Variants in PROSER2 observed in about 807,000 individuals in gnomAD.
PROSER2 encodes proline and serine-rich protein 2.
PROSER2 carries 18 observed loss-of-function variants against 14.6 expected under a neutral mutation model. The observed-to-expected ratio is 1.23, with a 90% CI of 0.85 to 1.83. PROSER2 has a LOEUF of 1.83. PROSER2 is among the 40% of genes most tolerant of loss of function. The pLI is 0.00. For missense variants in PROSER2, 823 were observed against 629.8 expected, an observed-to-expected ratio of 1.31 and a Z score of -3.28; for synonymous variants, 367 against 286.4, an observed-to-expected ratio of 1.28 and a Z score of -2.84.
chr10:11,842,214 C>T (rs1160946417), intron 1 of PROSER2, among the ~76,000 whole-genome samples: 3 of 143,122 alleles, frequency 2.1e-5, no homozygotes, highest in Admixed American at 6.8e-5. Flanking sequence ...GAGTAAGACT[C>T]AGTCTCAAAA....
At position 11,856,088 on chromosome 10, in the gene PROSER2, G is replaced by A. The variant is rs1355695939; in HGVS notation, c.138+3873G>A. Reference sequence around the variant, plus strand: ...TGAAACATAAGAGGGCAGCTTTGATGTGTGTGCAAGGCGGTGCTTCCTGAC... The same window carrying A: ...TGAAACATAAGAGGGCAGCTTTGATATGTGTGCAAGGCGGTGCTTCCTGAC... On this transcript the variant is annotated intron_variant, in intron 2 of 3. Coordinates refer to ENST00000277570, the MANE Select transcript of PROSER2 (RefSeq NM_153256.4). The surrounding 1 kb of genome is among the most constrained non-coding windows in gnomAD (Gnocchi z 5.3). Among the ~76,000 whole-genome samples the A allele has an allele frequency of 2.0e-5, 3 of 152,214 alleles. No individual in the cohort carries two copies. The highest frequency in any genetic ancestry group is 4.4e-5 in the Non-Finnish European group (3 of 68,034).
chr10:11,834,735 A>C (rs768698316), intron 1 of PROSER2, among the ~76,000 whole-genome samples: 4 of 152,132 alleles, frequency 2.6e-5, no homozygotes, highest in Admixed American at 2.0e-4. Flanking sequence ...ACTCCATCTC[A>C]AAAAAATAAA....
intron 1 of PROSER2, among the ~76,000 whole-genome samples, chr10:11,847,017 G>C (rs1429749165): frequency 2.0e-5 from 3 of 151,930 alleles, no homozygotes; most frequent in African/African-American, 4.8e-5. Context: ...CTCCCAAAGT[G>C]TTGGGGTTAC....
At chr10:11,863,847 C>T (rs1242299627) in intron 2 of PROSER2, among the ~76,000 whole-genome samples, 1 of 152,150 alleles carries the variant, frequency 6.6e-6, no homozygotes, top group Admixed American at 6.6e-5. Flanking sequence ...CTTTCTCTCA[C>T]ATTAGTTTTT....
In PROSER2 at chr10:11,871,764, G is replaced by T. The variant is rs903224384; in HGVS notation, c.*1358G>T. ...GACACCTTTGTGTTTTTATGTCTCC[G>T]CCAGCGCCGTAACAGAGCCTGTTTC... On this transcript the variant is annotated 3_prime_UTR_variant, in exon 4 of 4. Transcript: ENST00000277570. 3.3e-5 allele frequency: 5 copies of T among 152,100 alleles called. No homozygotes were observed. The highest frequency in any genetic ancestry group is 1.2e-4 in the African/African-American group (5 of 41,426). 9.4% of individuals were successfully genotyped at this position (152,100 alleles called of 1,614,324 possible). A position where few individuals can be genotyped will look rare whatever the true frequency, so the allele number is the denominator to read the frequency against.
Position 11,862,936 on chromosome 10 carries a change from G to A in PROSER2, c.139-3595G>A, listed in dbSNP as rs904533007. ...GGGCGCTAGAGCAACCAGCCCTGCC[G>A]AAAGCAAGTGTCAGTCAGTACAACC... is the stretch of plus-strand genomic sequence containing the variant. On this transcript the variant is annotated intron_variant, in intron 2 of 3. Transcript: ENST00000277570. This position sits in a 1 kb window ranked among gnomAD's most constrained non-coding sequence, Gnocchi z 4.2. 3 of 152,114 alleles carry A rather than the reference G, an allele frequency of 2.0e-5. No homozygotes were observed. The highest frequency in any genetic ancestry group is 4.8e-5 in the African/African-American group (2 of 41,414). 9.4% of individuals were successfully genotyped at this position (152,114 alleles called of 1,614,324 possible). A position where few individuals can be genotyped will look rare whatever the true frequency, so the allele number is the denominator to read the frequency against.
intron 1 of PROSER2, among the ~76,000 whole-genome samples, chr10:11,845,426 T>C (rs1378747762): frequency 6.6e-6 from 1 of 151,956 alleles, no homozygotes; most frequent in Non-Finnish European, 1.5e-5. Context: ...ACATTTAAAA[T>C]TTGTATTCTG....
At chr10:11,849,069 C>T (rs1156915658) in intron 1 of PROSER2, among the ~76,000 whole-genome samples, 3 of 152,158 alleles carry the variant, frequency 2.0e-5, no homozygotes, top group African/African-American at 7.2e-5. Flanking sequence ...TGCCTGTAGT[C>T]CCAGCTACTT....
In PROSER2 at chr10:11,866,595, C is replaced by A. The variant is rs761664720; in HGVS notation, c.203C>A (p.Thr68Lys). The A allele has an allele frequency of 6.2e-7, 1 of 1,614,176 alleles. No homozygotes were observed. Among genetic ancestry groups the A allele is most frequent in the South Asian group, 1.1e-5 (1 of 91,080 alleles). ...GATGTGCTCCTGTTTTTTGAAGAGACGATTGACTCCCTAGACGAGGACTTT... is the reference window on the plus strand; with the variant it reads ...GATGTGCTCCTGTTTTTTGAAGAGAAGATTGACTCCCTAGACGAGGACTTT... Reference protein sequence around the residue: ...EKDVLLFFEETIDSLDEDFEE... With the variant: ...EKDVLLFFEEKIDSLDEDFEE... The change falls in exon 3 of 4, where the codon ACG becomes AAG. Residue 68 changes from threonine to lysine, a missense_variant. Coordinates refer to ENST00000277570, the MANE Select transcript of PROSER2 (RefSeq NM_153256.4). The surrounding 1 kb of genome is among the most constrained non-coding windows in gnomAD (Gnocchi z 6.0).
At position 11,856,051 on chromosome 10, in the gene PROSER2, T is replaced by C. The variant is rs1834117963; in HGVS notation, c.138+3836T>C. Among the ~76,000 whole-genome samples the C allele has an allele frequency of 6.6e-6, 1 of 152,212 alleles. No individual in the cohort carries two copies. The highest frequency in any genetic ancestry group is 2.4e-5 in the African/African-American group (1 of 41,468). ...GGCTACAAAGGCATCCCTTGAATTA[T>C]GTCTTTTCATTTGAAACATAAGAGG... On this transcript the variant is annotated intron_variant, in intron 2 of 3. Coordinates refer to ENST00000277570, the MANE Select transcript of PROSER2 (RefSeq NM_153256.4). The surrounding 1 kb of genome is among the most constrained non-coding windows in gnomAD (Gnocchi z 5.3).
rs746872009 is a variant in PROSER2 at position 11,870,574 on chromosome 10, G to A, written c.*168G>A. 8.0e-5 allele frequency: 42 copies of A among 525,866 alleles called. No homozygotes were observed. Among genetic ancestry groups the A allele is most frequent in the Middle Eastern group, 5.1e-4 (1 of 1,960 alleles). 32.6% of individuals were successfully genotyped at this position (525,866 alleles called of 1,614,324 possible). On this transcript the variant is annotated 3_prime_UTR_variant, in exon 4 of 4. Coordinates refer to ENST00000277570, the MANE Select transcript of PROSER2 (RefSeq NM_153256.4). ...TGCCTGGCTGGGGCCTCCTGGCTGAGCACGCACCGCAAGCTCCAGCCACCG... is the reference window on the plus strand; with the variant it reads ...TGCCTGGCTGGGGCCTCCTGGCTGAACACGCACCGCAAGCTCCAGCCACCG...
intron 1 of PROSER2, among the ~76,000 whole-genome samples, chr10:11,845,593 G>T (rs980102694): frequency 2.6e-5 from 4 of 152,154 alleles, no homozygotes; most frequent in African/African-American, 7.2e-5. Context: ...ACAGAGGATG[G>T]TTCGGTACCT....
chr10:11,869,967 A>G lies in PROSER2; in HGVS notation c.869A>G (p.His290Arg). The G allele has an allele frequency of 8.0e-6, 11 of 1,372,954 alleles. No individual in the cohort carries two copies. The highest frequency in any genetic ancestry group is 9.4e-6 in the Non-Finnish European group (10 of 1,066,734). 85.0% of individuals were successfully genotyped at this position (1,372,954 alleles called of 1,614,324 possible). ...ERRAQVLATIHGHAGAFPAAG... is the reference protein window; with the variant it reads ...ERRAQVLATIRGHAGAFPAAG... ...AGGGCGCAGGTGTTGGCCACCATCC[A>G]CGGCCACGCCGGCGCCTTCCCCGCC... The change falls in exon 4 of 4, where the codon CAC becomes CGC. Residue 290 changes from histidine (H) to arginine (R), a missense_variant. By Grantham distance (29) the His-to-Arg change is conservative (BLOSUM62 0). Coordinates refer to ENST00000277570, the MANE Select transcript of PROSER2 (RefSeq NM_153256.4). This position sits in a 1 kb window ranked among gnomAD's most constrained non-coding sequence, Gnocchi z 4.4.
rs138601428 is a variant in PROSER2, at chr10:11,869,512, G to C, written c.414G>C (p.Glu138Asp). ...QAAGPAPAGK[E>D]HRKQDAETPP... The stretch of plus-strand genomic sequence containing the variant: ...CAGGGCCTGCACCTGCTGGGAAGGA[G>C]CACAGGAAACAAGATGCTGAGACTC... The change falls in exon 4 of 4, where the codon GAG (glutamate) becomes GAC (aspartate). Residue 138 changes from glutamate to aspartate, a missense_variant. Physicochemically the swap from Glu to Asp is conservative, Grantham distance 45 (BLOSUM62 2). Coordinates refer to ENST00000277570, the MANE Select transcript of PROSER2 (RefSeq NM_153256.4). The surrounding 1 kb of genome is among the most constrained non-coding windows in gnomAD (Gnocchi z 4.4). The C allele has an allele frequency of 1.6e-5, 26 of 1,613,704 alleles. No individual in the cohort carries two copies. In the African/African-American group the frequency reaches 3.1e-4, roughly 19 times the overall value.
rs1346381569 is a variant in PROSER2, at chr10:11,866,170, C to G, written c.139-361C>G. Among the ~76,000 whole-genome samples, 1 of 152,222 alleles carries G rather than the reference C, an allele frequency of 6.6e-6. No homozygotes were observed. Among genetic ancestry groups the G allele is most frequent in the Non-Finnish European group, 1.5e-5 (1 of 68,040 alleles). On this transcript the variant is annotated intron_variant, in intron 2 of 3. Coordinates refer to ENST00000277570, the MANE Select transcript of PROSER2 (RefSeq NM_153256.4). This position sits in a 1 kb window ranked among gnomAD's most constrained non-coding sequence, Gnocchi z 6.0. The stretch of plus-strand genomic sequence containing the variant: ...TAAATATGTGAGTTCAATCCACCAT[C>G]TTTAAGCAGAGGTTTCCCGTGATTA...
chr10:11,870,465 G>GTCGCTGCACCCC lies in PROSER2; in HGVS notation c.*70_*71insCTCGCTGCACCC. On this transcript the variant is annotated 3_prime_UTR_variant, in exon 4 of 4. Transcript: ENST00000277570. ...CCCACCCTGAAGAGAGGGTGAAAGA[G>GTCGCTGCACCCC]TCGCTGCACCCAGGAGCTGTTTGGT... 1 of 1,314,930 alleles carries GTCGCTGCACCCC rather than the reference G, an allele frequency of 7.6e-7. No individual in the cohort carries two copies. Among genetic ancestry groups the GTCGCTGCACCCC allele is most frequent in the Non-Finnish European group, 1.0e-6 (1 of 1,000,910 alleles). 81.5% of individuals were successfully genotyped at this position (1,314,930 alleles called of 1,614,324 possible).
intron 2 of PROSER2, among the ~76,000 whole-genome samples, chr10:11,860,757 T>C (rs963373286): frequency 5.9e-5 from 9 of 152,160 alleles, no homozygotes; most frequent in African/African-American, 1.9e-4. Context: ...AAGGGTCGGT[T>C]GATGCTTGTT....
chr10:11,825,672 C>T lies in PROSER2; in HGVS notation c.-82+2202C>T, dbSNP rs974152975. On this transcript the variant is annotated intron_variant, in intron 1 of 3. Coordinates refer to ENST00000277570, the MANE Select transcript of PROSER2 (RefSeq NM_153256.4). ...CCCTTTCTAGACTGGCAGCATTCAT[C>T]TTGAAACCTAAGAGTATTTTAAGAA... Among the ~76,000 whole-genome samples, 15 of 152,310 alleles carry T rather than the reference C, an allele frequency of 9.8e-5. No individual in the cohort carries two copies. The East Asian group carries it at 2.7e-3, about 27-fold the overall frequency.
intron 2 of PROSER2, among the ~76,000 whole-genome samples, chr10:11,859,002 C>CT (rs1275326908): frequency 1.2e-5 from 1 of 83,360 alleles, no homozygotes; most frequent in Non-Finnish European, 2.4e-5. Flanking sequence ...AAGCGAGACT[C>CT]TGTCTCAAAA....
Sources: gnomAD v4.1 joint callset for allele counts (sites outside exome capture counted in the v4.1 genomes callset) on GRCh38, gnomAD v4.1.1 for gene constraint, Gnocchi (gnomAD v3.1) non-coding constraint, MANE v1.5 for transcripts, NCBI Gene and HGNC (gene_info 2026-07-23, HGNC 2026-07-21) for gene names.